MACROD2: variants seen among roughly 807,000 people sequenced by gnomAD.
MACROD2 encodes the protein mono-ADP ribosylhydrolase 2, also known as ADP-ribose glycohydrolase MACROD2.
MACROD2 carries 36 observed loss-of-function variants against 70.4 expected under a neutral mutation model. The ratio of observed to expected loss-of-function variants is 0.51; its 90% CI spans 0.39 to 0.68. The LOEUF is 0.68. Among genes scored for constraint, MACROD2 ranks in the 30% least tolerant of loss-of-function variants. The probability of loss-of-function intolerance (pLI) is 0.00; values close to 1 mark genes in which losing one functional copy is unlikely to be tolerated. For missense variants in MACROD2, 496 were observed against 538.4 expected (o/e 0.92, Z 0.78); for synonymous variants, 172 against 178.8 (o/e 0.96, Z 0.30).
chr20:15,630,199 A>G (rs912512217), intron 8 of MACROD2, among the ~76,000 whole-genome samples: 6 of 152,210 alleles, frequency 3.9e-5, no homozygotes, highest in South Asian at 2.1e-4. Context: ...TTTGACATAT[A>G]GTGATCTTCA....
chr20:15,512,203 A>G (rs1209403596), intron 8 of MACROD2, among the ~76,000 whole-genome samples: 2 of 152,246 alleles, frequency 1.3e-5, no homozygotes, highest in Non-Finnish European at 2.9e-5. Flanking sequence ...AGCACTTGAC[A>G]TGGGTTGACC....
chr20:14,319,641 C>A (rs2082641387), intron 3 of MACROD2, among the ~76,000 whole-genome samples: 1 of 152,188 alleles, frequency 6.6e-6, no homozygotes, highest in African/African-American at 2.4e-5. Flanking sequence ...AGGGTCACCT[C>A]ATTTTTCATA....
chr20:14,312,683 G>A (rs1387854018), intron 3 of MACROD2, among the ~76,000 whole-genome samples: 1 of 152,282 alleles, frequency 6.6e-6, no homozygotes, highest in Non-Finnish European at 1.5e-5. Flanking sequence ...ATCTAAGTAT[G>A]TATTAATGTG....
chr20:15,733,106 C>T (rs1245623761), intron 8 of MACROD2, among the ~76,000 whole-genome samples: 1 of 151,920 alleles, frequency 6.6e-6, no homozygotes, highest in Non-Finnish European at 1.5e-5. Context: ...AGTTGATTTT[C>T]AATCCCTTTC....
intron 5 of MACROD2, among the ~76,000 whole-genome samples, chr20:15,143,885 T>C (rs2076210540): frequency 6.8e-6 from 1 of 146,368 alleles, no homozygotes. Flanking sequence ...CTGGGCCACG[T>C]AGAAAGAACT....
At chr20:15,902,751 A>T (rs1326603893) in intron 10 of MACROD2, among the ~76,000 whole-genome samples, 1 of 152,138 alleles carries the variant, frequency 6.6e-6, no homozygotes, top group African/African-American at 2.4e-5. Context: ...AAGTCATGTG[A>T]GTGAACCGTC....
At chr20:15,645,436 T>C (rs765160673) in intron 8 of MACROD2, among the ~76,000 whole-genome samples, 7 of 152,206 alleles carry the variant, frequency 4.6e-5, no homozygotes, top group Non-Finnish European at 1.0e-4. Context: ...GAGACATACA[T>C]TGAAGATGTT....
chr20:15,650,491 A>G (rs984323285), intron 8 of MACROD2, among the ~76,000 whole-genome samples: 3 of 152,240 alleles, frequency 2.0e-5, no homozygotes, highest in African/African-American at 7.2e-5. Flanking sequence ...ACACACATAC[A>G]GCAAAGTCAA....
At chr20:14,373,154 C>T (rs577365083) in intron 3 of MACROD2, among the ~76,000 whole-genome samples, 3 of 152,166 alleles carry the variant, frequency 2.0e-5, no homozygotes, top group South Asian at 2.1e-4. Flanking sequence ...CAGCAAGTGG[C>T]GGTTGCTCTT....
intron 4 of MACROD2, among the ~76,000 whole-genome samples, chr20:14,569,200 T>G (rs555539624): frequency 2.2e-4 from 34 of 152,132 alleles, no homozygotes; most frequent in African/African-American, 7.5e-4. Flanking sequence ...AGAGTTACAT[T>G]TCTAGCTAAA....
chr20:15,259,032 G>A (rs527943712), intron 6 of MACROD2, among the ~76,000 whole-genome samples: 1 of 152,134 alleles, frequency 6.6e-6, no homozygotes, highest in South Asian at 2.1e-4. Flanking sequence ...ATGTAGACAT[G>A]TAACCTCACT....
chr20:15,097,470 A>C (rs983772657), intron 5 of MACROD2, among the ~76,000 whole-genome samples: 1 of 152,226 alleles, frequency 6.6e-6, no homozygotes, highest in African/African-American at 2.4e-5. Flanking sequence ...CTAATATAGC[A>C]TAACAGATGT....
At chr20:14,773,641 G>T (rs141747811) in intron 5 of MACROD2, among the ~76,000 whole-genome samples, 1 of 152,074 alleles carries the variant, frequency 6.6e-6, no homozygotes, top group East Asian at 1.9e-4. Flanking sequence ...TGTCACATTT[G>T]CCTCTTTCAT....
Position 13,995,831 on chromosome 20 carries a change from G to C in MACROD2, c.46+22G>C, listed in dbSNP as rs1601089015. The C allele has an allele frequency of 6.4e-7, 1 of 1,568,086 alleles. No homozygotes were observed. Among genetic ancestry groups the C allele is most frequent in the East Asian group, 2.3e-5 (1 of 42,928 alleles). On this transcript the variant is annotated intron_variant, in intron 1 of 17. Transcript: ENST00000684519. The surrounding 1 kb of genome is among the most constrained non-coding windows in gnomAD (Gnocchi z 4.3). ...AAAGGTAACCGGCCCGTCGAGTCCT[G>C]GGGGTGCGGGCGGTGGGGGTTAGGG... is the stretch of plus-strand genomic sequence containing the variant.
At chr20:15,690,268 A>G (rs1287099294) in intron 8 of MACROD2, among the ~76,000 whole-genome samples, 2 of 152,222 alleles carry the variant, frequency 1.3e-5, no homozygotes, top group Admixed American at 1.3e-4. Flanking sequence ...TGTAGGTAGC[A>G]TAGACAGTTT....
chr20:15,823,886 A>G (rs1053789403), intron 8 of MACROD2, among the ~76,000 whole-genome samples: 3 of 152,218 alleles, frequency 2.0e-5, no homozygotes, highest in Non-Finnish European at 4.4e-5. Flanking sequence ...GCCATGGATG[A>G]CTGGCTGTCT....
At chr20:15,762,952 A>G (rs1280039562) in intron 8 of MACROD2, among the ~76,000 whole-genome samples, 4 of 152,232 alleles carry the variant, frequency 2.6e-5, no homozygotes, top group South Asian at 2.1e-4. Flanking sequence ...GGTGTCTTAC[A>G]TCCAGATAAC....
intron 15 of MACROD2, among the ~76,000 whole-genome samples, chr20:16,027,210 G>A (rs1319437483): frequency 1.3e-5 from 2 of 152,150 alleles, no homozygotes; most frequent in East Asian, 3.9e-4. Flanking sequence ...TAGCAGAACC[G>A]CATGCATTTA....
chr20:15,263,326 A>C (rs2077265418), intron 6 of MACROD2, among the ~76,000 whole-genome samples: 1 of 151,820 alleles, frequency 6.6e-6, no homozygotes, highest in Non-Finnish European at 1.5e-5. Flanking sequence ...CCTTTGTAAA[A>C]ATTGAGTTCA....
Sources: allele counts gnomAD v4.1 joint callset (sites outside exome capture counted in the v4.1 genomes callset), GRCh38; gene constraint gnomAD v4.1.1; non-coding constraint Gnocchi (gnomAD v3.1); transcripts MANE v1.5; gene names NCBI Gene and HGNC (gene_info 2026-07-23, HGNC 2026-07-21).